Variants in MDGA2 observed in about 807,000 individuals in gnomAD.
The protein encoded by MDGA2 is MAM domain containing glycosylphosphatidylinositol anchor 2, also known as MAM domain-containing glycosylphosphatidylinositol anchor protein 2.
In MDGA2, 40 loss-of-function variants were observed where a neutral mutation model predicts 117.8. That is an observed-to-expected ratio of 0.34 (90% CI 0.26 to 0.44). The LOEUF (loss-of-function observed/expected upper bound fraction) is 0.44. Among genes scored for constraint, MDGA2 ranks in the 20% least tolerant of loss-of-function variants. The pLI is 1.00. For missense variants in MDGA2, 1,123 were observed against 1,250.6 expected, an observed-to-expected ratio of 0.90 and a Z score of 1.54; for synonymous variants, 452 against 439.0, an observed-to-expected ratio of 1.03 and a Z score of -0.37.
At chr14:47,113,390 G>C (rs1881151829) in intron 5 of MDGA2, among the ~76,000 whole-genome samples, 2 of 152,132 alleles carry the variant, frequency 1.3e-5, no homozygotes, top group South Asian at 4.1e-4. Context: ...AAAAAGGAGG[G>C]ACTCCTCCCT....
intron 1 of MDGA2, among the ~76,000 whole-genome samples, chr14:47,542,359 T>C (rs1222528563): frequency 1.3e-5 from 2 of 152,228 alleles, no homozygotes; most frequent in African/African-American, 4.8e-5. Flanking sequence ...TCTTCTGTTA[T>C]TATGCCTTTA....
chr14:47,627,440 C>T (rs1355730114), intron 1 of MDGA2, among the ~76,000 whole-genome samples: 1 of 152,094 alleles, frequency 6.6e-6, no homozygotes, highest in African/African-American at 2.4e-5. Flanking sequence ...CACTCTGCAT[C>T]TAGCTCAAGG....
intron 7 of MDGA2, among the ~76,000 whole-genome samples, chr14:47,053,106 A>T (rs2138733992): frequency 6.6e-6 from 1 of 152,108 alleles, no homozygotes; most frequent in East Asian, 1.9e-4. Flanking sequence ...CTCTAAATAC[A>T]AAAAGCTTTC....
At position 47,536,309 on chromosome 14, in the gene MDGA2, G is replaced by T. The variant is rs548023251; in HGVS notation, c.280+138208C>A. On this transcript the variant is annotated intron_variant, in intron 1 of 16. Coordinates refer to ENST00000399232, the MANE Select transcript of MDGA2 (RefSeq NM_001113498.3). ...AACTTAAAGGTATATTTCTCCTCCA[G>T]ATGGTGGTTGTATATTTATAGAGCA... 2.6e-5 allele frequency among the ~76,000 whole-genome samples: 4 copies of T among 152,328 alleles called. 1 individual carries two copies. The highest frequency in any genetic ancestry group is 9.6e-5 in the African/African-American group (4 of 41,570).
intron 1 of MDGA2, among the ~76,000 whole-genome samples, chr14:47,541,146 T>C (rs150462040): frequency 2.6e-4 from 39 of 152,294 alleles, no homozygotes; most frequent in African/African-American, 8.9e-4. Flanking sequence ...GATGAATGTG[T>C]GTCTGAAAAG....
At chr14:47,652,977 G>C (rs1395261724) in intron 1 of MDGA2, among the ~76,000 whole-genome samples, 2 of 152,088 alleles carry the variant, frequency 1.3e-5, no homozygotes, top group Non-Finnish European at 2.9e-5. Flanking sequence ...ACAGATTCAG[G>C]CTGAAGCACT....
intron 1 of MDGA2, among the ~76,000 whole-genome samples, chr14:47,553,524 G>GTC (rs1895626641): frequency 6.6e-6 from 1 of 151,912 alleles, no homozygotes; most frequent in African/African-American, 2.4e-5. Flanking sequence ...ATAATAGTGT[G>GTC]GACATTTGAA....
chr14:46,841,955 G>C lies in MDGA2; in HGVS notation c.3054C>G (p.Ile1018Met), dbSNP rs1468599020. Reference protein sequence around the residue: ...HIWLFPIIVLISILSPRR With the variant: ...HIWLFPIIVLMSILSPRR ...GTCACCTTCGAGGACTTAAGATAGA[G>C]ATGAGGACGATAATGGGAAAAAGCC... The change falls in exon 17 of 17, where the codon ATC becomes ATG. Residue 1018 changes from isoleucine to methionine, a missense_variant. Physicochemically the swap from Ile to Met is conservative, Grantham distance 10. This residue lies in a region of MDGA2 where 890 missense variants were observed against 1,050.3 expected (regional missense o/e 0.85). Coordinates refer to ENST00000399232, the MANE Select transcript of MDGA2 (RefSeq NM_001113498.3). The C allele has an allele frequency of 1.2e-6, 2 of 1,612,088 alleles. No homozygotes were observed. The highest frequency in any genetic ancestry group is 4.5e-5 in the East Asian group (2 of 44,818).
chr14:47,331,819 T>C lies in MDGA2; in HGVS notation c.281-30269A>G, dbSNP rs567062507. ...GCTGTCAGTAATTAAATTTATGTAT[T>C]AGTGAATTTTCATTTCTAAATCTCA... On this transcript the variant is annotated intron_variant, in intron 1 of 16. Transcript: ENST00000399232. 3.3e-5 allele frequency among the ~76,000 whole-genome samples: 5 copies of C among 152,146 alleles called. No homozygotes were observed. The East Asian group carries it at 9.7e-4, about 29-fold the overall frequency.
rs777539717 is a variant in MDGA2 at position 46,871,992 on chromosome 14, T to G, written c.2752+1441A>C. 1.8e-5 allele frequency: 4 copies of G among 226,896 alleles called. 1 individual carries two copies. In the South Asian group the frequency reaches 2.3e-4, roughly 13 times the overall value. The allele number at this position is 226,896 out of a possible 1,614,324, so 14.1% of individuals were successfully genotyped here. On this transcript the variant is annotated intron_variant, in intron 14 of 16. Transcript: ENST00000399232. The stretch of plus-strand genomic sequence containing the variant: ...CATAAAAAATAAAAATAAAAATAAA[T>G]TATAAAACAAAACAAAAAAACCCAA...
At chr14:47,450,104 ATTC>A (rs537391761) in intron 1 of MDGA2, among the ~76,000 whole-genome samples, 102 of 152,184 alleles carry the variant, frequency 6.7e-4, no homozygotes, top group Non-Finnish European at 1.4e-3. Context: ...TACCACATAT[ATTC>A]TTTTTTCTTA....
intron 8 of MDGA2, among the ~76,000 whole-genome samples, chr14:47,007,353 A>G (rs1887747881): frequency 2.0e-5 from 3 of 151,854 alleles, no homozygotes; most frequent in African/African-American, 7.2e-5. Flanking sequence ...AATGAATTGA[A>G]GTTTGAGATT....
intron 2 of MDGA2, among the ~76,000 whole-genome samples, chr14:47,292,535 C>G (rs756907817): frequency 5.3e-5 from 8 of 152,098 alleles, no homozygotes; most frequent in Non-Finnish European, 1.2e-4. Flanking sequence ...GGATCTGTAC[C>G]TTTAAGAGCC....
At chr14:47,187,390 T>G (rs1289270307) in intron 3 of MDGA2, among the ~76,000 whole-genome samples, 1 of 152,032 alleles carries the variant, frequency 6.6e-6, no homozygotes, top group African/African-American at 2.4e-5. Flanking sequence ...AAAAACAAAG[T>G]GCAAGATATA....
chr14:47,236,885 A>G (rs1886883031), intron 2 of MDGA2, among the ~76,000 whole-genome samples: 1 of 152,214 alleles, frequency 6.6e-6, no homozygotes, highest in African/African-American at 2.4e-5. Flanking sequence ...TTGCTTGCAA[A>G]ATAAGCCAAG....
At position 47,082,537 on chromosome 14, in the gene MDGA2, A is replaced by G. The variant is rs544969744; in HGVS notation, c.1195+14317T>C. On this transcript the variant is annotated intron_variant, in intron 6 of 16. Coordinates refer to ENST00000399232, the MANE Select transcript of MDGA2 (RefSeq NM_001113498.3). Reference sequence around the variant, plus strand: ...TACAGCATTAACAAGCCAGTCTTCAATATGCTCAGCCACTGATTGGAATGA... The same window carrying G: ...TACAGCATTAACAAGCCAGTCTTCAGTATGCTCAGCCACTGATTGGAATGA... 2.6e-4 allele frequency among the ~76,000 whole-genome samples: 40 copies of G among 152,224 alleles called. No homozygotes were observed. In the South Asian group the frequency reaches 6.2e-3, roughly 24 times the overall value.
At chr14:46,923,336 A>G (rs930029111) in intron 9 of MDGA2, among the ~76,000 whole-genome samples, 4 of 152,154 alleles carry the variant, frequency 2.6e-5, no homozygotes, top group Non-Finnish European at 5.9e-5. Flanking sequence ...AAAATACTTT[A>G]GAGATTATTT....
chr14:47,243,638 G>T (rs1202657200), intron 2 of MDGA2, among the ~76,000 whole-genome samples: 1 of 151,228 alleles, frequency 6.6e-6, no homozygotes, highest in Non-Finnish European at 1.5e-5. Flanking sequence ...CTTCACTCCT[G>T]AGCCAGCGAG....
At chr14:47,197,916 G>A (rs930125774) in intron 3 of MDGA2, among the ~76,000 whole-genome samples, 1 of 151,864 alleles carries the variant, frequency 6.6e-6, no homozygotes, top group Non-Finnish European at 1.5e-5. Context: ...CTCAAAAACA[G>A]AAAGGACCAT....
Sources: allele counts gnomAD v4.1 joint callset (sites outside exome capture counted in the v4.1 genomes callset), GRCh38; gene constraint gnomAD v4.1.1; regional missense constraint gnomAD v4.1.1; transcripts MANE v1.5; gene names NCBI Gene and HGNC (gene_info 2026-07-23, HGNC 2026-07-21).